Variants in ATP13A5 observed in about 807,000 individuals in gnomAD.
ATP13A5 encodes the protein probable cation-transporting ATPase 13A5.
A neutral mutation model predicts 150.2 loss-of-function variants in ATP13A5; 149 were observed. That is an observed-to-expected ratio of 0.99 (90% CI 0.87 to 1.14). The LOEUF is 1.14. ATP13A5 is among the 50% of genes most tolerant of loss of function. ATP13A5 has a pLI of 0.00. For missense variants in ATP13A5, 1,383 were observed against 1,449.3 expected, an observed-to-expected ratio of 0.95 and a Z score of 0.74; for synonymous variants, 497 against 522.2, an observed-to-expected ratio of 0.95 and a Z score of 0.66.
chr3:193,309,576 C>T (rs1240171302), intron 21 of ATP13A5, among the ~76,000 whole-genome samples: 4 of 152,258 alleles, frequency 2.6e-5, no homozygotes, highest in East Asian at 1.9e-4. Flanking sequence ...GAAGGGAATA[C>T]GGCAAGGGTG....
chr3:193,301,412 C>A, intron 23 of ATP13A5, 105 bp from the exon 24 acceptor site: 1 of 760,394 alleles, frequency 1.3e-6, no homozygotes, highest in Non-Finnish European at 2.2e-6. Context: ...TGTTGACATA[C>A]ATTCACTTAA....
chr3:193,321,738 G>A lies in ATP13A5; in HGVS notation c.1858C>T (p.His620Tyr). 5 of 1,614,182 alleles carry A rather than the reference G, an allele frequency of 3.1e-6. No individual in the cohort carries two copies. The highest frequency in any genetic ancestry group is 3.4e-6 in the Non-Finnish European group (4 of 1,180,024). ...IAQLAGENHF[H>Y]VYMKGAPEMV... Reference sequence around the variant, plus strand: ...TCTGGGGCACCTTTCATGTAGACATGGAAATGATTCTCCCCAGCTAGCTGA... The same window carrying A: ...TCTGGGGCACCTTTCATGTAGACATAGAAATGATTCTCCCCAGCTAGCTGA... Residue 620 changes from histidine (H) to tyrosine (Y), a missense_variant, in exon 16 of 30, where the codon CAT becomes TAT. His to Tyr is a moderately conservative substitution (Grantham distance 83). Around this residue, in one of 3 missense-constraint regions of ATP13A5, gnomAD observed 787 missense variants for 771.9 expected, o/e 1.02. Transcript: ENST00000342358.
chr3:193,364,366 G>T (rs1188975322), intron 1 of ATP13A5, 86 bp from the exon 2 acceptor site: 1 of 1,495,200 alleles, frequency 6.7e-7, no homozygotes, highest in Non-Finnish European at 9.1e-7. Flanking sequence ...AACTTGAGAT[G>T]AAAGAATGTT....
At chr3:193,280,394 A>C (rs182165293) in intron 27 of ATP13A5, among the ~76,000 whole-genome samples, 71 of 152,250 alleles carry the variant, frequency 4.7e-4, no homozygotes, top group African/African-American at 1.7e-3. Flanking sequence ...TCCTCTTCAA[A>C]GAGTAATACT....
At chr3:193,311,677 C>G in intron 20 of ATP13A5, 139 bp downstream of exon 20, 1 of 1,238,934 alleles carries the variant, frequency 8.1e-7, no homozygotes. Context: ...AAAACTTTTT[C>G]AGGAGCAGTA....
intron 21 of ATP13A5, 33 bp downstream of exon 21, chr3:193,310,605 G>C: frequency 6.6e-7 from 1 of 1,524,328 alleles, no homozygotes; most frequent in Non-Finnish European, 8.9e-7. Context: ...AAGAGTTAAT[G>C]AGCACACTCT....
At chr3:193,293,744 T>C (rs1010938722) in intron 25 of ATP13A5, among the ~76,000 whole-genome samples, 1 of 152,060 alleles carries the variant, frequency 6.6e-6, no homozygotes, top group Non-Finnish European at 1.5e-5. Context: ...GAATTTCAAA[T>C]GGGTATCATG....
chr3:193,354,608 C>T (rs1334281436), intron 5 of ATP13A5, among the ~76,000 whole-genome samples: 1 of 151,384 alleles, frequency 6.6e-6, no homozygotes, highest in Admixed American at 6.6e-5. Flanking sequence ...ACCTCCAGCA[C>T]CTAGGACAGG....
chr3:193,275,120 T>C lies in ATP13A5; in HGVS notation c.3579A>G (p.Glu1193=). ...KNGFYINGGY[E]SHEQIPKRKL... ...TTCTTTTTGGAATCTGTTCATGGCTTTCATAGCCTCCGTTGATGTAGAATC... is the reference window on the plus strand; with the variant it reads ...TTCTTTTTGGAATCTGTTCATGGCTCTCATAGCCTCCGTTGATGTAGAATC... Residue 1193 remains glutamate (E), a synonymous_variant, in exon 30 of 30, where the codon GAA becomes GAG. Transcript: ENST00000342358. 6.2e-7 allele frequency: 1 copy of C among 1,614,222 alleles called. No homozygotes were observed. Among genetic ancestry groups the C allele is most frequent in the South Asian group, 1.1e-5 (1 of 91,082 alleles).
intron 21 of ATP13A5, 35 bp from the exon 22 acceptor site, chr3:193,307,404 A>G (rs1302807897): frequency 6.2e-7 from 1 of 1,611,490 alleles, no homozygotes; most frequent in Non-Finnish European, 8.5e-7. Context: ...TTAATAGGTA[A>G]GAAAAATGAA....
intron 23 of ATP13A5, among the ~76,000 whole-genome samples, chr3:193,303,967 C>T (rs56318524): frequency 0.36 from 55,025 of 151,672 alleles, 10,393 homozygotes; most frequent in East Asian, 0.62. Context: ...AAGACTCTCT[C>T]ATTCTTTACA....
In ATP13A5 at chr3:193,345,102, C is replaced by T. The variant is rs184708116; in HGVS notation, c.742-27G>A. On this transcript the variant is annotated intron_variant, in intron 7 of 29. Coordinates refer to ENST00000342358, the MANE Select transcript of ATP13A5 (RefSeq NM_198505.4). ...TACCAAGTAAAAGTTAACATTTAAACATTAGATAGTTCATGTTCTGAAAAC... is the reference window on the plus strand; with the variant it reads ...TACCAAGTAAAAGTTAACATTTAAATATTAGATAGTTCATGTTCTGAAAAC... 209 of 1,598,058 alleles carry T rather than the reference C, an allele frequency of 1.3e-4. 2 individuals are homozygous for T. The East Asian group carries it at 4.5e-3, about 35-fold the overall frequency.
At chr3:193,349,792 T>C (rs1320810113) in intron 7 of ATP13A5, among the ~76,000 whole-genome samples, 2 of 152,136 alleles carry the variant, frequency 1.3e-5, no homozygotes, top group East Asian at 1.9e-4. Context: ...CTCTTGTGTG[T>C]TTCTGATTTA....
chr3:193,316,499 G>C (rs566837696), intron 17 of ATP13A5, among the ~76,000 whole-genome samples: 2 of 152,010 alleles, frequency 1.3e-5, no homozygotes, highest in Admixed American at 6.5e-5. Context: ...TTTTGTTTTT[G>C]TTTCAAATAG....
At chr3:193,333,536 A>G (rs556921608) in intron 11 of ATP13A5, among the ~76,000 whole-genome samples, 1 of 152,318 alleles carries the variant, frequency 6.6e-6, no homozygotes, top group Non-Finnish European at 1.5e-5. Context: ...ACCAGAACAC[A>G]TGGGAAACCC....
At chr3:193,314,809 C>T (rs757412551) in intron 18 of ATP13A5, among the ~76,000 whole-genome samples, 163 bp downstream of exon 18, 8 of 152,150 alleles carry the variant, frequency 5.3e-5, no homozygotes, top group Non-Finnish European at 1.2e-4. Flanking sequence ...CTGGTCCTGT[C>T]GGGGCAGCTG....
intron 19 of ATP13A5, 195 bp downstream of exon 19, chr3:193,313,838 G>A (rs1718943239): frequency 1.7e-6 from 1 of 601,378 alleles, no homozygotes. Flanking sequence ...GCCTGCACTG[G>A]AAGCTTAGAA....
At chr3:193,353,609 A>G (rs1712654636) in intron 6 of ATP13A5, among the ~76,000 whole-genome samples, 1 of 152,152 alleles carries the variant, frequency 6.6e-6, no homozygotes, top group Admixed American at 6.5e-5. Flanking sequence ...AGATGAGGTC[A>G]TGAAGGTAGA....
rs548069073 is a variant in ATP13A5, at chr3:193,345,037, G to A, written c.780C>T (p.Asn260=). Residue 260 remains asparagine (N), a synonymous_variant, in exon 8 of 30, where the codon AAC becomes AAT. Coordinates refer to ENST00000342358, the MANE Select transcript of ATP13A5 (RefSeq NM_198505.4). ...VKLHNLVEDH[N]KVQVTIIVKD... ...TTACAATGATTGTAACCTGGACTTT[G>A]TTGTGGTCCTCCACGAGGTTATGCA... 53 of 1,613,754 alleles carry A rather than the reference G, an allele frequency of 3.3e-5. 1 individual carries two copies. The South Asian group carries it at 4.9e-4, about 15-fold the overall frequency.
Sources: gnomAD v4.1 joint callset for allele counts (sites outside exome capture counted in the v4.1 genomes callset) on GRCh38, gnomAD v4.1.1 for gene constraint, gnomAD v4.1.1 regional missense constraint, MANE v1.5 for transcripts, NCBI Gene and HGNC (gene_info 2026-07-23, HGNC 2026-07-21) for gene names.